GATB: variants seen among roughly 807,000 people sequenced by gnomAD.
The protein encoded by GATB is glutamyl-tRNA amidotransferase subunit B, also known as glutamyl-tRNA(Gln) amidotransferase subunit B, mitochondrial.
GATB carries 39 observed loss-of-function variants against 62.3 expected under a neutral mutation model. That is an observed-to-expected ratio of 0.63 (90% confidence interval 0.48 to 0.82). The LOEUF (loss-of-function observed/expected upper bound fraction) is 0.82, where lower values mean the gene tolerates loss of function less well. Ranked by LOEUF, GATB falls within the 40% of genes least tolerant of loss-of-function variation. The probability of loss-of-function intolerance (pLI) is 0.00; values close to 1 mark genes in which losing one functional copy is unlikely to be tolerated. For missense variants in GATB, 670 were observed against 684.0 expected (o/e 0.98, Z 0.23); for synonymous variants, 276 against 258.9 (o/e 1.07, Z -0.63).
At chr4:151,702,788 A>C (rs1738631950) in intron 8 of GATB, among the ~76,000 whole-genome samples, 1 of 152,108 alleles carries the variant, frequency 6.6e-6, no homozygotes, top group African/African-American at 2.4e-5. Context: ...CATTTTTGTC[A>C]AAGGGCTTAT....
chr4:151,672,441 A>G (rs945339185), intron 12 of GATB, among the ~76,000 whole-genome samples: 1 of 152,130 alleles, frequency 6.6e-6, no homozygotes, highest in African/African-American at 2.4e-5. Context: ...CGAAATGCCA[A>G]CCCTGGGAGA....
intron 12 of GATB, 102 bp from the exon 13 acceptor site, chr4:151,671,404 T>A: frequency 1.8e-6 from 2 of 1,120,394 alleles, no homozygotes. Context: ...AAATTCCGCT[T>A]ATTTCCACTA....
At chr4:151,672,092 TGATG>T (rs1278372832) in intron 12 of GATB, among the ~76,000 whole-genome samples, 1 of 152,166 alleles carries the variant, frequency 6.6e-6, no homozygotes, top group Non-Finnish European at 1.5e-5. Flanking sequence ...CCCGGCAAGC[TGATG>T]GGTGGGTGGG....
chr4:151,751,675 T>C (rs1272497407), intron 2 of GATB, among the ~76,000 whole-genome samples: 1 of 152,250 alleles, frequency 6.6e-6, no homozygotes, highest in Non-Finnish European at 1.5e-5. Context: ...CTTCTATTAT[T>C]ATTTACATGT....
At chr4:151,671,425 T>A in intron 12 of GATB, 123 bp from the exon 13 acceptor site, 1 of 932,530 alleles carries the variant, frequency 1.1e-6, no homozygotes, top group South Asian at 1.6e-5. Flanking sequence ...GTATTAGACA[T>A]AAAATGTAGA....
intron 9 of GATB, among the ~76,000 whole-genome samples, chr4:151,689,619 A>G (rs1738322090): frequency 6.6e-6 from 1 of 151,820 alleles, no homozygotes; most frequent in African/African-American, 2.4e-5. Context: ...AGGTTGGTGC[A>G]AAAGTAACTG....
intron 8 of GATB, chr4:151,703,541 T>C: frequency 2.3e-6 from 1 of 426,802 alleles, no homozygotes; most frequent in African/African-American, 2.0e-5. Flanking sequence ...AAGAACAGCC[T>C]AGGCCCCAAC....
rs150896459 is a variant in GATB, at chr4:151,740,244, T to C, written c.327+18528A>G. 5.8e-4 allele frequency among the ~76,000 whole-genome samples: 88 copies of C among 152,334 alleles called. 1 individual carries two copies. In the East Asian group the frequency reaches 0.01, roughly 18 times the overall value. ...AACTCTTTCCTAGTACAGTCGTGCA[T>C]CACTTACCAATGGAGATATGTTCTG... is the stretch of plus-strand genomic sequence containing the variant. On this transcript the variant is annotated intron_variant, in intron 2 of 12. Coordinates refer to ENST00000263985, the MANE Select transcript of GATB (RefSeq NM_004564.3).
At chr4:151,702,005 C>T (rs1220361270) in intron 8 of GATB, among the ~76,000 whole-genome samples, 1 of 152,184 alleles carries the variant, frequency 6.6e-6, no homozygotes, top group Non-Finnish European at 1.5e-5. Flanking sequence ...CTGCAGGCAA[C>T]TGTAACACAA....
chr4:151,710,866 A>G (rs758049560), intron 5 of GATB, among the ~76,000 whole-genome samples: 3 of 152,062 alleles, frequency 2.0e-5, no homozygotes, highest in Non-Finnish European at 4.4e-5. Flanking sequence ...TTCTCTCTCC[A>G]GCCCAGACCT....
intron 2 of GATB, among the ~76,000 whole-genome samples, chr4:151,743,649 G>A (rs544062745): frequency 6.6e-6 from 1 of 152,350 alleles, no homozygotes; most frequent in African/African-American, 2.4e-5. Flanking sequence ...TGAATGGAAT[G>A]TTAAGAAATT....
chr4:151,709,523 G>T (rs986738985), intron 5 of GATB, among the ~76,000 whole-genome samples: 2 of 152,086 alleles, frequency 1.3e-5, no homozygotes, highest in East Asian at 3.9e-4. Flanking sequence ...TAGGAACCCT[G>T]AGGTCATCTT....
chr4:151,681,768 G>T (rs575802246), intron 10 of GATB, among the ~76,000 whole-genome samples: 6 of 152,198 alleles, frequency 3.9e-5, no homozygotes, highest in Non-Finnish European at 7.3e-5. Flanking sequence ...AGATAAAGGC[G>T]CTGGCAGATT....
chr4:151,688,710 T>C lies in GATB; in HGVS notation c.1251A>G (p.Ala417=), dbSNP rs546867224. Reference sequence around the variant, plus strand: ...CCCAACTAGTCACCTTTTTTGGCTCTGCCCTAGTTTCTTTTATCACATTTT... The same window carrying C: ...CCCAACTAGTCACCTTTTTTGGCTCCGCCCTAGTTTCTTTTATCACATTTT... ...FFQNVIKETR[A]EPKKVTSWVL... Residue 417 remains alanine (A), a synonymous_variant, in exon 10 of 13, where the codon GCA becomes GCG. Transcript: ENST00000263985. The C allele has an allele frequency of 7.4e-6, 12 of 1,613,158 alleles. No homozygotes were observed. In the South Asian group the frequency reaches 9.9e-5, roughly 13 times the overall value.
intron 2 of GATB, among the ~76,000 whole-genome samples, chr4:151,754,370 T>A (rs908712271): frequency 1.3e-5 from 2 of 152,248 alleles, no homozygotes; most frequent in African/African-American, 4.8e-5. Context: ...TGTTGAATAC[T>A]CTTCCTATGT....
At chr4:151,694,096 A>G (rs1279244465) in intron 9 of GATB, among the ~76,000 whole-genome samples, 2 of 152,230 alleles carry the variant, frequency 1.3e-5, no homozygotes, top group Admixed American at 6.5e-5. Context: ...TCGTCCCCAC[A>G]TGGAAGGAAC....
At chr4:151,735,734 G>GTATATATATATATATATATATA (rs1491213513) in intron 2 of GATB, among the ~76,000 whole-genome samples, 3,813 of 92,464 alleles carry the variant, frequency 0.041, 619 homozygotes, top group Non-Finnish European at 0.05. Context: ...ATAAACTGTG[G>GTATATATATATATATATATATA]TGTATATATA....
At chr4:151,697,969 A>ATATATATATATATATATGTG (rs1738518225) in intron 9 of GATB, among the ~76,000 whole-genome samples, 1 of 102,484 alleles carries the variant, frequency 9.8e-6, no homozygotes, top group Admixed American at 9.3e-5. Flanking sequence ...ATATATATAT[A>ATATATATATATATATATGTG]TATATATATA....
chr4:151,722,147 G>T (rs908762192), intron 2 of GATB: 1 of 696,882 alleles, frequency 1.4e-6, no homozygotes, highest in African/African-American at 1.8e-5. Flanking sequence ...GTGACAGATG[G>T]AAGTCCAGGT....
Sources: allele counts gnomAD v4.1 joint callset (sites outside exome capture counted in the v4.1 genomes callset), GRCh38; gene constraint gnomAD v4.1.1; transcripts MANE v1.5; gene names NCBI Gene and HGNC (gene_info 2026-07-23, HGNC 2026-07-21).